PBX3: variants seen among roughly 807,000 people sequenced by gnomAD.
PBX3 encodes PBX homeobox 3.
In PBX3, 14 loss-of-function variants were observed where a neutral mutation model predicts 48.5. The observed-to-expected ratio is 0.29, with a 90% CI of 0.19 to 0.45. PBX3 has a LOEUF of 0.45. PBX3 is among the 20% of genes least tolerant of loss of function. PBX3 has a pLI of 1.00. For synonymous variants in PBX3, 210 were observed against 200.3 expected (o/e 1.05, Z -0.41); for missense variants, 386 against 546.7 (o/e 0.71, Z 2.93).
chr9:125,804,869 C>T (rs987854608), intron 2 of PBX3, among the ~76,000 whole-genome samples: 7 of 91,330 alleles, frequency 7.7e-5, no homozygotes, highest in African/African-American at 2.2e-4. Flanking sequence ...ATTGCTTGAA[C>T]CTGGGAGACG....
intron 2 of PBX3, among the ~76,000 whole-genome samples, chr9:125,914,347 GAC>G (rs1841276269): frequency 6.6e-6 from 1 of 152,154 alleles, no homozygotes; most frequent in African/African-American, 2.4e-5. Context: ...AAATGAAAGT[GAC>G]AGCTTTAAAG....
chr9:125,918,955 A>G (rs1841394320), intron 3 of PBX3, among the ~76,000 whole-genome samples: 1 of 152,188 alleles, frequency 6.6e-6, no homozygotes, highest in Admixed American at 6.5e-5. Flanking sequence ...TTTCTGAAAT[A>G]GATAGTATTG....
chr9:125,942,981 C>T (rs1410143790), intron 5 of PBX3, among the ~76,000 whole-genome samples: 4 of 152,080 alleles, frequency 2.6e-5, no homozygotes, highest in Admixed American at 2.6e-4. Flanking sequence ...AAGCTTGCTC[C>T]AGTGATGTCA....
chr9:125,827,626 C>A (rs1257626685), intron 2 of PBX3, among the ~76,000 whole-genome samples: 2 of 152,088 alleles, frequency 1.3e-5, no homozygotes, highest in Non-Finnish European at 2.9e-5. Flanking sequence ...CACCAGTTTT[C>A]AACATGTACT....
In PBX3 at chr9:125,867,807, CAT is replaced by C. The variant is rs540038173; in HGVS notation, c.275-47869_275-47868del. 2.9e-3 allele frequency among the ~76,000 whole-genome samples: 436 copies of C among 151,468 alleles called. 2 individuals are homozygous for C. Among genetic ancestry groups the C allele is most frequent in the Middle Eastern group, 0.01 (3 of 290 alleles). On this transcript the variant is annotated intron_variant, in intron 2 of 8. Transcript: ENST00000373489. The stretch of plus-strand genomic sequence containing the variant: ...ACATATACACACACATATATATACA[CAT>C]ATATATATACACATACATATATATA...
At chr9:125,913,398 T>C (rs780708589) in intron 2 of PBX3, among the ~76,000 whole-genome samples, 4 of 152,198 alleles carry the variant, frequency 2.6e-5, no homozygotes, top group Non-Finnish European at 4.4e-5. Flanking sequence ...TGTATACTTA[T>C]AATTGTTTTT....
chr9:125,919,628 G>T (rs1468088431), intron 3 of PBX3, among the ~76,000 whole-genome samples: 1 of 152,120 alleles, frequency 6.6e-6, no homozygotes, highest in African/African-American at 2.4e-5. Context: ...TAAGGCAAAG[G>T]CTTCAACAGA....
intron 2 of PBX3, among the ~76,000 whole-genome samples, chr9:125,907,115 G>A (rs1397500093): frequency 1.3e-5 from 2 of 151,952 alleles, no homozygotes; most frequent in Non-Finnish European, 2.9e-5. Flanking sequence ...TCTATTTCTG[G>A]AAGTGATAAG....
At chr9:125,762,655 T>A (rs926321092) in intron 2 of PBX3, among the ~76,000 whole-genome samples, 1 of 152,240 alleles carries the variant, frequency 6.6e-6, no homozygotes, top group African/African-American at 2.4e-5. Context: ...ATAATTCTTA[T>A]TGGCCGCTGT....
intron 5 of PBX3, among the ~76,000 whole-genome samples, chr9:125,942,530 A>T (rs1395828807): frequency 1.3e-5 from 2 of 152,226 alleles, no homozygotes; most frequent in Non-Finnish European, 2.9e-5. Context: ...TAAAATAATA[A>T]TTAGAGCAGG....
intron 3 of PBX3, among the ~76,000 whole-genome samples, chr9:125,922,361 C>A (rs1281703091): frequency 6.6e-6 from 1 of 152,096 alleles, no homozygotes; most frequent in Non-Finnish European, 1.5e-5. Flanking sequence ...GTTTTAAACA[C>A]ATAAACAAAA....
At chr9:125,773,475 T>C (rs1323964912) in intron 2 of PBX3, among the ~76,000 whole-genome samples, 2 of 152,222 alleles carry the variant, frequency 1.3e-5, no homozygotes, top group African/African-American at 4.8e-5. Flanking sequence ...ACACTGTATT[T>C]AATTACATAT....
chr9:125,882,809 C>G (rs1377817484), intron 2 of PBX3, among the ~76,000 whole-genome samples: 2 of 152,130 alleles, frequency 1.3e-5, no homozygotes, highest in Admixed American at 1.3e-4. Context: ...GTATTTTAAA[C>G]TTAGGTTTTA....
At chr9:125,889,785 C>T (rs1313676448) in intron 2 of PBX3, among the ~76,000 whole-genome samples, 1 of 149,440 alleles carries the variant, frequency 6.7e-6, no homozygotes, top group African/African-American at 2.4e-5. Flanking sequence ...CGCGGGGCCT[C>T]CCGGCGCGAA....
intron 2 of PBX3, among the ~76,000 whole-genome samples, chr9:125,842,490 G>C (rs1839315075): frequency 6.6e-6 from 1 of 152,102 alleles, no homozygotes; most frequent in African/African-American, 2.4e-5. Flanking sequence ...CATTTAATGT[G>C]GTCTAGTCCA....
chr9:125,794,629 A>G (rs1433465538), intron 2 of PBX3, among the ~76,000 whole-genome samples: 1 of 151,866 alleles, frequency 6.6e-6, no homozygotes, highest in Non-Finnish European at 1.5e-5. Flanking sequence ...CTAAACAATT[A>G]TAATTACTCA....
chr9:125,937,047 A>G (rs1841852361), intron 5 of PBX3, among the ~76,000 whole-genome samples: 1 of 152,190 alleles, frequency 6.6e-6, no homozygotes, highest in African/African-American at 2.4e-5. Flanking sequence ...TGTTCTCACA[A>G]CCACTCTCTG....
At chr9:125,950,958 C>T (rs759171207) in intron 5 of PBX3, among the ~76,000 whole-genome samples, 14 of 152,198 alleles carry the variant, frequency 9.2e-5, no homozygotes, top group Non-Finnish European at 1.6e-4. Context: ...GAATAATTTT[C>T]GAAACTTGTT....
intron 2 of PBX3, among the ~76,000 whole-genome samples, chr9:125,801,790 TACAC>T (rs367989628): frequency 0.032 from 4,706 of 146,290 alleles, 203 homozygotes; most frequent in East Asian, 0.17. Context: ...TGTATACACA[TACAC>T]ACACACACAC....
Sources: allele counts gnomAD v4.1 joint callset (sites outside exome capture counted in the v4.1 genomes callset), GRCh38; gene constraint gnomAD v4.1.1; transcripts MANE v1.5; gene names NCBI Gene and HGNC (gene_info 2026-07-23, HGNC 2026-07-21).